Variants in HELZ observed in about 807,000 individuals in gnomAD.
The protein encoded by HELZ is ATP-dependent RNA helicase with zinc finger domain.
HELZ carries 23 observed loss-of-function variants against 218.2 expected under a neutral mutation model. The observed-to-expected ratio is 0.11, with a 90% CI of 0.08 to 0.15. The LOEUF is 0.15. Ranked by LOEUF, HELZ falls within the 10% of genes least tolerant of loss-of-function variation. HELZ has a pLI of 1.00. For synonymous variants in HELZ, 814 were observed against 829.4 expected (o/e 0.98, Z 0.32); for missense variants, 1,813 against 2,353.7 (o/e 0.77, Z 4.75).
rs2038667235 is a variant in HELZ at position 67,151,053 on chromosome 17, A to C, written c.2349T>G (p.Leu783=). ...TGTCTTGAGTCAGCATACCAGGTTC[A>C]AGGTCCAACTGACAGAGGTACTGGG... is the stretch of plus-strand genomic sequence containing the variant. ...NTSQYLCQLD[L]EPGFFTHILL... is the part of the protein sequence containing the mutation. Residue 783 remains leucine, a synonymous_variant, in exon 18 of 33, where the codon CTT becomes CTG. Transcript: ENST00000358691. 2 of 1,613,474 alleles carry C rather than the reference A, an allele frequency of 1.2e-6. No individual in the cohort carries two copies. Among genetic ancestry groups the C allele is most frequent in the Non-Finnish European group, 1.7e-6 (2 of 1,179,594 alleles).
At chr17:67,186,235 G>T (rs1206147494) in intron 12 of HELZ, among the ~76,000 whole-genome samples, 1 of 151,846 alleles carries the variant, frequency 6.6e-6, no homozygotes, top group Non-Finnish European at 1.5e-5. Context: ...CCTAATCAAG[G>T]CTAATTATAA....
At chr17:67,089,460 T>G (rs1171041562) in intron 31 of HELZ, among the ~76,000 whole-genome samples, 1 of 151,936 alleles carries the variant, frequency 6.6e-6, no homozygotes, top group South Asian at 2.1e-4. Flanking sequence ...TCAGTTGACA[T>G]GCACAGCAGG....
intron 28 of HELZ, among the ~76,000 whole-genome samples, chr17:67,112,310 C>T (rs926667485): frequency 6.6e-5 from 10 of 152,214 alleles, no homozygotes; most frequent in African/African-American, 2.4e-4. Context: ...AATTTTAAAA[C>T]AAGGACATGA....
At chr17:67,230,703 TTG>T (rs1418523967) in intron 3 of HELZ, among the ~76,000 whole-genome samples, 1 of 152,190 alleles carries the variant, frequency 6.6e-6, no homozygotes, top group Non-Finnish European at 1.5e-5. Flanking sequence ...TCTATTCTTT[TTG>T]TTTCTTGATT....
rs200761603 is a variant in HELZ at position 67,114,423 on chromosome 17, T to C, written c.3839-20A>G. The C allele has an allele frequency of 1.4e-6, 2 of 1,463,568 alleles. No homozygotes were observed. The highest frequency in any genetic ancestry group is 1.9e-6 in the Non-Finnish European group (2 of 1,045,402). The allele number at this position is 1,463,568 out of a possible 1,614,324, so 90.7% of individuals were successfully genotyped here. On this transcript the variant is annotated intron_variant, in intron 27 of 32. Transcript: ENST00000358691. ...TTTTACCTAAGAAAATATTTAAAAA[T>C]CCTTATAAGTTTTCTCCAGTGGATA...
chr17:67,117,319 G>A (rs2037457690), intron 27 of HELZ, among the ~76,000 whole-genome samples: 1 of 152,036 alleles, frequency 6.6e-6, no homozygotes. Context: ...ATCAGTAACA[G>A]AAAAATTTCT....
At chr17:67,213,375 G>A (rs988946555) in intron 5 of HELZ, among the ~76,000 whole-genome samples, 4 of 152,138 alleles carry the variant, frequency 2.6e-5, no homozygotes, top group African/African-American at 9.7e-5. Flanking sequence ...TGTAATCCCG[G>A]CACTTTGGGA....
At chr17:67,220,558 C>T (rs750722377) in intron 3 of HELZ, among the ~76,000 whole-genome samples, 1 of 152,176 alleles carries the variant, frequency 6.6e-6, no homozygotes, top group Non-Finnish European at 1.5e-5. Context: ...TCACTGCTCA[C>T]TGCAGCCTCG....
intron 21 of HELZ, 73 bp downstream of exon 21, chr17:67,145,670 T>C: frequency 2.3e-6 from 3 of 1,289,876 alleles, no homozygotes; most frequent in Non-Finnish European, 3.3e-6. Flanking sequence ...CCCAAAACTT[T>C]AAATAAATGC....
At chr17:67,216,147 C>T (rs181801756) in intron 4 of HELZ, among the ~76,000 whole-genome samples, 1 of 152,218 alleles carries the variant, frequency 6.6e-6, no homozygotes, top group East Asian at 1.9e-4. Flanking sequence ...CCATGGACCC[C>T]CACTCCTACT....
chr17:67,167,811 G>A lies in HELZ; in HGVS notation c.1431-15C>T, dbSNP rs1348997732. ...TAAGGTTGAACCTAAACCAGAAGTA[G>A]AAAACTAGTTTGAATATTTTACATC... is the stretch of plus-strand genomic sequence containing the variant. On this transcript the variant is annotated splice_polypyrimidine_tract_variant and intron_variant, in intron 13 of 32. Coordinates refer to ENST00000358691, the MANE Select transcript of HELZ (RefSeq NM_014877.4). 5 of 1,529,158 alleles carry A rather than the reference G, an allele frequency of 3.3e-6. No individual in the cohort carries two copies. The highest frequency in any genetic ancestry group is 4.5e-6 in the Non-Finnish European group (5 of 1,121,316). 94.7% of individuals were successfully genotyped at this position (1,529,158 alleles called of 1,614,324 possible).
At chr17:67,129,422 G>A (rs969425473) in intron 23 of HELZ, among the ~76,000 whole-genome samples, 9 of 151,898 alleles carry the variant, frequency 5.9e-5, no homozygotes, top group Non-Finnish European at 1.2e-4. Context: ...TGTAATCTAT[G>A]TGTGTGTGTA....
chr17:67,229,307 A>G (rs1016780109), intron 3 of HELZ, among the ~76,000 whole-genome samples: 1 of 152,158 alleles, frequency 6.6e-6, no homozygotes, highest in African/African-American at 2.4e-5. Flanking sequence ...AGACTCTGAT[A>G]ACATTGTTCC....
intron 12 of HELZ, among the ~76,000 whole-genome samples, chr17:67,183,525 T>C (rs1182057710): frequency 1.3e-5 from 2 of 152,234 alleles, no homozygotes; most frequent in Non-Finnish European, 2.9e-5. Flanking sequence ...GACTAAATTT[T>C]AATGCTAATG....
chr17:67,108,444 CA>C lies in HELZ; in HGVS notation c.4724+47del, dbSNP rs780700548. ...AAAGGACTACAGTCAAAAAAGAGAA[CA>C]GTGAGGGGGTCGCATTCCAGGGGCT... On this transcript the variant is annotated intron_variant, in intron 30 of 32. Transcript: ENST00000358691. The surrounding 1 kb of genome is among the most constrained non-coding windows in gnomAD (Gnocchi z 4.1). 1 of 1,396,148 alleles carries C rather than the reference CA, an allele frequency of 7.2e-7. No individual in the cohort carries two copies. Among genetic ancestry groups the C allele is most frequent in the South Asian group, 1.2e-5 (1 of 85,664 alleles). 86.5% of individuals were successfully genotyped at this position (1,396,148 alleles called of 1,614,324 possible). A position where few individuals can be genotyped will look rare whatever the true frequency, so the allele number is the denominator to read the frequency against.
intron 3 of HELZ, among the ~76,000 whole-genome samples, chr17:67,231,899 A>C (rs1015398639): frequency 2.0e-5 from 3 of 151,118 alleles, no homozygotes; most frequent in Non-Finnish European, 4.4e-5. Flanking sequence ...CTAAAAATAC[A>C]AAACTTAACC....
At chr17:67,213,849 T>C (rs904891671) in intron 5 of HELZ, among the ~76,000 whole-genome samples, 2 of 152,156 alleles carry the variant, frequency 1.3e-5, no homozygotes, top group African/African-American at 4.8e-5. Flanking sequence ...TAAGCAGGAA[T>C]TGGAGCCAGT....
chr17:67,242,696 A>G (rs1257398124), intron 2 of HELZ, among the ~76,000 whole-genome samples: 1 of 152,072 alleles, frequency 6.6e-6, no homozygotes, highest in Non-Finnish European at 1.5e-5. Flanking sequence ...TAAAAATTAT[A>G]TGAAATAAAC....
At position 67,077,933 on chromosome 17, in the gene HELZ, C is replaced by CTT. The variant is rs573432295; in HGVS notation, c.*317_*318dup. 700 of 129,530 alleles carry CTT rather than the reference C, an allele frequency of 5.4e-3. 2 individuals are homozygous for CTT. The highest frequency in any genetic ancestry group is 0.019 in the African/African-American group (644 of 34,512). The allele number at this position is 129,530 out of a possible 1,614,324, so 8.0% of individuals were successfully genotyped here. A position where few individuals can be genotyped will look rare whatever the true frequency, so the allele number is the denominator to read the frequency against. ...TTAAATACATTTTAGACAAACTTTT[C>CTT]TTTTTTTTTTTTTTTTTATAGTTGC... On this transcript the variant is annotated 3_prime_UTR_variant, in exon 33 of 33. Coordinates refer to ENST00000358691, the MANE Select transcript of HELZ (RefSeq NM_014877.4).
Sources: gnomAD v4.1 joint callset for allele counts (sites outside exome capture counted in the v4.1 genomes callset) on GRCh38, gnomAD v4.1.1 for gene constraint, Gnocchi (gnomAD v3.1) non-coding constraint, MANE v1.5 for transcripts, NCBI Gene and HGNC (gene_info 2026-07-23, HGNC 2026-07-21) for gene names.